Variants in POFUT3 observed in about 807,000 individuals in gnomAD.
The protein encoded by POFUT3 is GDP-fucose protein O-fucosyltransferase 3.
the POFUT3 span, among the ~76,000 whole-genome samples, chr8:33,380,664 C>T: frequency 6.6e-6 from 1 of 151,812 alleles, no homozygotes; most frequent in African/African-American, 2.4e-5. Flanking sequence ...TAGCAAGACC[C>T]TGTCTCTACA....
the POFUT3 span, among the ~76,000 whole-genome samples, chr8:33,445,810 C>T: frequency 1.5e-3 from 222 of 152,272 alleles, no homozygotes; most frequent in African/African-American, 4.8e-3. Context: ...TGACTACCCA[C>T]AGCAGAGATG....
chr8:33,311,164 A>G, the POFUT3 span, among the ~76,000 whole-genome samples: 2 of 152,182 alleles, frequency 1.3e-5, no homozygotes, highest in East Asian at 3.8e-4. Flanking sequence ...CAATACCTTC[A>G]GGGTAGCCAT....
the POFUT3 span, among the ~76,000 whole-genome samples, chr8:33,340,382 G>GTATA: frequency 6.7e-6 from 1 of 149,488 alleles, no homozygotes; most frequent in African/African-American, 2.5e-5. Flanking sequence ...ATGTGTGTGT[G>GTATA]TATATATATA....
chr8:33,442,995 C>T, the POFUT3 span, among the ~76,000 whole-genome samples: 1 of 151,978 alleles, frequency 6.6e-6, no homozygotes, highest in Admixed American at 6.6e-5. Context: ...TGCCTATAGT[C>T]CCAGCTACTC....
chr8:33,372,428 C>T, the POFUT3 span: 3 of 1,417,760 alleles, frequency 2.1e-6, no homozygotes. Context: ...ACATCTATTC[C>T]TTGAAAGGGC....
chr8:33,372,561 C>G, the POFUT3 span: 75 of 1,610,970 alleles, frequency 4.7e-5, no homozygotes, highest in Non-Finnish European at 6.3e-5. Context: ...CTGTTTCATT[C>G]TGATCATTTT....
the POFUT3 span, among the ~76,000 whole-genome samples, chr8:33,468,725 C>T: frequency 6.6e-6 from 1 of 152,198 alleles, no homozygotes; most frequent in Non-Finnish European, 1.5e-5. Flanking sequence ...GTGTTCTTCC[C>T]AGTGGTGACC....
chr8:33,446,538 T>C, the POFUT3 span, among the ~76,000 whole-genome samples: 1 of 152,116 alleles, frequency 6.6e-6, no homozygotes, highest in African/African-American at 2.4e-5. Flanking sequence ...TGATCATTAT[T>C]ACTGCTCCTT....
At chr8:33,360,853 C>G in the POFUT3 span, 1 of 152,130 alleles carries the variant, frequency 6.6e-6, no homozygotes, top group Non-Finnish European at 1.5e-5. Context: ...GAGGGGGTGC[C>G]CCAGCAGACA....
At chr8:33,418,652 A>G in the POFUT3 span, among the ~76,000 whole-genome samples, 34,433 of 151,978 alleles carry the variant, frequency 0.23, 4,080 homozygotes, top group East Asian at 0.4. Context: ...TACAGCCACT[A>G]TCAAAAACAA....
the POFUT3 span, among the ~76,000 whole-genome samples, chr8:33,354,295 A>G: frequency 1.3e-5 from 2 of 152,152 alleles, no homozygotes; most frequent in Non-Finnish European, 2.9e-5. Flanking sequence ...AAGTCCTACC[A>G]TCTGTTCCAC....
At chr8:33,364,187 T>C in the POFUT3 span, among the ~76,000 whole-genome samples, 1 of 152,146 alleles carries the variant, frequency 6.6e-6, no homozygotes, top group Non-Finnish European at 1.5e-5. Context: ...ATTATTGCAA[T>C]AGATGCAGAA....
the POFUT3 span, among the ~76,000 whole-genome samples, chr8:33,447,175 G>A: frequency 6.6e-5 from 10 of 152,134 alleles, no homozygotes; most frequent in African/African-American, 1.7e-4. Context: ...CAGGCCGGGC[G>A]CGGTGGCTCA....
chr8:33,400,388 G>A, the POFUT3 span, among the ~76,000 whole-genome samples: 3 of 152,224 alleles, frequency 2.0e-5, no homozygotes, highest in Admixed American at 6.5e-5. Context: ...GGAAGGCAGA[G>A]GTTGCAGTGA....
the POFUT3 span, among the ~76,000 whole-genome samples, chr8:33,359,069 G>A: frequency 2.0e-5 from 3 of 152,140 alleles, no homozygotes; most frequent in Admixed American, 6.5e-5. Flanking sequence ...AATGAACTAA[G>A]ACAAATCACA....
At chr8:33,345,321 A>T in the POFUT3 span, among the ~76,000 whole-genome samples, 2 of 151,804 alleles carry the variant, frequency 1.3e-5, no homozygotes. Context: ...AATTTACACG[A>T]TTTAAAACAC....
At chr8:33,400,049 A>C in the POFUT3 span, among the ~76,000 whole-genome samples, 1 of 151,042 alleles carries the variant, frequency 6.6e-6, no homozygotes. Context: ...AAAAGATTAT[A>C]TGGGAAAAGT....
the POFUT3 span, among the ~76,000 whole-genome samples, chr8:33,309,346 A>G: frequency 9.4e-6 from 1 of 106,614 alleles, no homozygotes; most frequent in African/African-American, 4.3e-5. Flanking sequence ...TTATCCTTAA[A>G]GGTATTGTGT....
the POFUT3 span, among the ~76,000 whole-genome samples, chr8:33,434,121 T>C: frequency 1.3e-5 from 2 of 150,278 alleles, no homozygotes; most frequent in East Asian, 4.0e-4. Context: ...ATTAGCTGAG[T>C]GTGGTGGCGC....
Sources: allele counts gnomAD v4.1 joint callset (sites outside exome capture counted in the v4.1 genomes callset), GRCh38; gene constraint gnomAD v4.1.1; transcripts MANE v1.5; gene names NCBI Gene and HGNC (gene_info 2026-07-23, HGNC 2026-07-21).